The following XKR4 variants were observed in gnomAD, a reference collection of about 807,000 sequenced individuals.
XKR4 encodes XK related 4, also known as XK-related protein 4.
XKR4 carries 12 observed loss-of-function variants against 53.9 expected under a neutral mutation model. That is an observed-to-expected ratio of 0.22 (90% CI 0.14 to 0.36). XKR4 has a LOEUF of 0.36. Ranked by LOEUF, XKR4 falls within the 10% of genes least tolerant of loss-of-function variation. The pLI is 1.00. For missense variants in XKR4, 799 were observed against 859.5 expected, an observed-to-expected ratio of 0.93 and a Z score of 0.88; for synonymous variants, 354 against 362.4, an observed-to-expected ratio of 0.98 and a Z score of 0.26.
intron 1 of XKR4, among the ~76,000 whole-genome samples, chr8:55,323,029 G>A (rs1430606854): frequency 1.3e-5 from 2 of 151,998 alleles, no homozygotes; most frequent in Non-Finnish European, 2.9e-5. Context: ...TTTTCTGTAA[G>A]GATTTTGCAC....
intron 1 of XKR4, among the ~76,000 whole-genome samples, chr8:55,127,850 G>A (rs984319927): frequency 3.3e-5 from 5 of 151,406 alleles, no homozygotes; most frequent in East Asian, 3.9e-4. Context: ...CTGTCCTTGC[G>A]ATAGTTTGCT....
chr8:55,140,595 A>G (rs891221850), intron 1 of XKR4, among the ~76,000 whole-genome samples: 3 of 152,180 alleles, frequency 2.0e-5, no homozygotes, highest in African/African-American at 2.4e-5. Flanking sequence ...GGGGTTTTCA[A>G]CTTCTGAGTT....
At chr8:55,226,161 A>G (rs1563487542) in intron 1 of XKR4, among the ~76,000 whole-genome samples, 1 of 152,262 alleles carries the variant, frequency 6.6e-6, no homozygotes. Context: ...TAAGTCAATC[A>G]TATCTTTAAA....
At chr8:55,112,539 G>C (rs926009132) in intron 1 of XKR4, among the ~76,000 whole-genome samples, 5 of 137,026 alleles carry the variant, frequency 3.6e-5, no homozygotes, top group East Asian at 2.3e-4. Flanking sequence ...TCTCAGTCTG[G>C]GGCTGAATTC....
intron 1 of XKR4, among the ~76,000 whole-genome samples, chr8:55,300,210 T>C (rs1427451529): frequency 1.3e-5 from 2 of 152,078 alleles, no homozygotes; most frequent in Non-Finnish European, 1.5e-5. Flanking sequence ...GCTGAAATGA[T>C]GGATGACAGA....
rs553032654 is a variant in XKR4, at chr8:55,509,703, G to A, written c.1007-13578G>A. ...TGGCTGGACTGGCTTTGGTACTCCT[G>A]AACCTGGAAGCTGGCTATCACACGC... On this transcript the variant is annotated intron_variant, in intron 2 of 2. Coordinates refer to ENST00000327381, the MANE Select transcript of XKR4 (RefSeq NM_052898.2). Among the ~76,000 whole-genome samples, 3 of 152,312 alleles carry A rather than the reference G, an allele frequency of 2.0e-5. No homozygotes were observed. In the South Asian group the frequency reaches 6.2e-4, roughly 32 times the overall value.
At chr8:55,454,339 C>T (rs1021007154) in intron 2 of XKR4, 22 of 1,505,666 alleles carry the variant, frequency 1.5e-5, no homozygotes, top group Non-Finnish European at 1.9e-5. Flanking sequence ...TGCTGAGGGC[C>T]TCCAGCAGCT....
intron 1 of XKR4, among the ~76,000 whole-genome samples, chr8:55,273,250 ATCT>A (rs1280367300): frequency 6.6e-6 from 1 of 151,878 alleles, no homozygotes; most frequent in Non-Finnish European, 1.5e-5. Flanking sequence ...TACTGAAACC[ATCT>A]TTGCAAAATT....
At chr8:55,251,041 C>G (rs1162850650) in intron 1 of XKR4, among the ~76,000 whole-genome samples, 3 of 152,162 alleles carry the variant, frequency 2.0e-5, no homozygotes, top group Non-Finnish European at 4.4e-5. Context: ...CCTCAAGAAG[C>G]TGTAGGTATA....
At chr8:55,384,993 A>G (rs1323884804) in intron 2 of XKR4, among the ~76,000 whole-genome samples, 1 of 152,220 alleles carries the variant, frequency 6.6e-6, no homozygotes, top group Non-Finnish European at 1.5e-5. Flanking sequence ...GAATGGCCTT[A>G]ATACAACAAT....
chr8:55,473,252 A>G (rs193177864), intron 2 of XKR4, among the ~76,000 whole-genome samples: 13 of 152,116 alleles, frequency 8.5e-5, no homozygotes, highest in Admixed American at 7.9e-4. Flanking sequence ...TAATCCTCAC[A>G]CCCATCCTGT....
intron 1 of XKR4, among the ~76,000 whole-genome samples, chr8:55,148,268 G>A (rs1186198209): frequency 1.3e-5 from 2 of 152,090 alleles, no homozygotes; most frequent in Non-Finnish European, 2.9e-5. Flanking sequence ...AGCTGAGCGT[G>A]GTGGTGCACA....
intron 1 of XKR4, among the ~76,000 whole-genome samples, chr8:55,190,043 T>G (rs1817424685): frequency 1.3e-5 from 2 of 152,252 alleles, no homozygotes; most frequent in Admixed American, 1.3e-4. Context: ...GGGAGTATAT[T>G]GCTAGACTGA....
chr8:55,495,919 T>TC (rs1806340431), intron 2 of XKR4, among the ~76,000 whole-genome samples: 1 of 152,260 alleles, frequency 6.6e-6, no homozygotes, highest in Non-Finnish European at 1.5e-5. Context: ...CAAATGTATA[T>TC]ATTCACACAC....
chr8:55,483,163 A>G (rs2929023), intron 2 of XKR4, among the ~76,000 whole-genome samples: 114,780 of 152,034 alleles, frequency 0.75, 43,967 homozygotes, highest in African/African-American at 0.88. Context: ...CCCGGATTCC[A>G]GACATTAATC....
At chr8:55,117,749 T>C (rs7840359) in intron 1 of XKR4, among the ~76,000 whole-genome samples, 1 of 152,192 alleles carries the variant, frequency 6.6e-6, no homozygotes, top group African/African-American at 2.4e-5. Context: ...TATCTTACTA[T>C]TCCAAGGTTA....
intron 1 of XKR4, among the ~76,000 whole-genome samples, chr8:55,130,834 G>A (rs932005633): frequency 6.6e-6 from 1 of 152,050 alleles, no homozygotes; most frequent in African/African-American, 2.4e-5. Context: ...ACCTTTCACG[G>A]CCTTGCTACT....
At chr8:55,187,002 C>T (rs971954092) in intron 1 of XKR4, among the ~76,000 whole-genome samples, 3 of 151,516 alleles carry the variant, frequency 2.0e-5, no homozygotes, top group African/African-American at 4.8e-5. Context: ...TGAAGACTGG[C>T]ATTTACATAA....
chr8:55,293,806 A>T (rs1441384932), intron 1 of XKR4, among the ~76,000 whole-genome samples: 3 of 152,126 alleles, frequency 2.0e-5, no homozygotes, highest in African/African-American at 7.2e-5. Context: ...TATTGATTTG[A>T]CTCATTCTGT....
Sources: gnomAD v4.1 joint callset for allele counts (sites outside exome capture counted in the v4.1 genomes callset) on GRCh38, gnomAD v4.1.1 for gene constraint, MANE v1.5 for transcripts, NCBI Gene and HGNC (gene_info 2026-07-23, HGNC 2026-07-21) for gene names.